OCM: variants seen among roughly 807,000 people sequenced by gnomAD.
OCM encodes the protein oncomodulin, also known as oncomodulin-1.
Under a neutral mutation model 14.1 loss-of-function variants are expected in OCM, and 18 were observed. The ratio of observed to expected loss-of-function variants is 1.28; its 90% confidence interval spans 0.88 to 1.89. The LOEUF (loss-of-function observed/expected upper bound fraction) is 1.89. Ranked by LOEUF, OCM falls within the 40% of genes most tolerant of loss-of-function variation. The pLI, the probability that OCM is intolerant of heterozygous loss-of-function variation, is 0.00. For synonymous variants in OCM, 48 were observed against 51.0 expected (o/e 0.94, Z 0.25); for missense variants, 140 against 137.6 (o/e 1.02, Z -0.09).
the OCM span, among the ~76,000 whole-genome samples, chr7:5,862,254 G>A: frequency 5.9e-5 from 9 of 152,038 alleles, no homozygotes; most frequent in Admixed American, 1.3e-4. Context: ...CTTGGAAACT[G>A]AGTCATGCAA....
intron 1 of OCM, among the ~76,000 whole-genome samples, chr7:5,882,107 A>G (rs1485933559): frequency 3.4e-5 from 5 of 149,050 alleles, no homozygotes; most frequent in African/African-American, 4.9e-5. Flanking sequence ...AAAAAAAAAA[A>G]AAAAAAAAAA....
upstream of OCM, among the ~76,000 whole-genome samples, chr7:5,875,545 C>T (rs1356909451): frequency 6.6e-6 from 1 of 151,990 alleles, no homozygotes; most frequent in Non-Finnish European, 1.5e-5. Flanking sequence ...TGGGCCCAAG[C>T]AATCTTCCCA....
At chr7:5,882,444 T>A (rs763345137) in intron 1 of OCM, 49 bp from the exon 2 acceptor site, 2 of 1,602,012 alleles carry the variant, frequency 1.2e-6, no homozygotes, top group Non-Finnish European at 1.7e-6. Flanking sequence ...GGCCCCAACA[T>A]AGAATGTGAT....
In OCM at chr7:5,882,599, C is replaced by T. The variant is rs201890706; in HGVS notation, c.168C>T (p.Ser56=). 60 of 1,614,028 alleles carry T rather than the reference C, an allele frequency of 3.7e-5. No individual in the cohort carries two copies. In the Middle Eastern group the frequency reaches 9.9e-4, roughly 27 times the overall value. The change falls in exon 2 of 4, where the codon AGC becomes AGT. Residue 56 remains serine (S), a synonymous_variant. Transcript: ENST00000242104. ...DVFRFIDNDQ[S]GYLDEEELKF... is the part of the protein sequence containing the mutation. ...TCCGGTTCATAGACAACGACCAGAG[C>T]GGGTACCTGGATGAAGAAGAGCTTA...
At chr7:5,860,777 T>TAC in the OCM span, among the ~76,000 whole-genome samples, 1 of 134,718 alleles carries the variant, frequency 7.4e-6, no homozygotes, top group African/African-American at 3.0e-5. Context: ...TTCGTATATA[T>TAC]ACGTGTATAT....
At position 5,883,871 on chromosome 7, in the gene OCM, G is replaced by C. The variant is rs745332767; in HGVS notation, c.195-19G>C. On this transcript the variant is annotated intron_variant, in intron 2 of 3. Coordinates refer to ENST00000242104, the MANE Select transcript of OCM (RefSeq NM_001097622.2). ...CATGATCTTTTTGAAAATCCCCATGGATCTTTATTATCCTGTAGGTTTTTC... is the reference window on the plus strand; with the variant it reads ...CATGATCTTTTTGAAAATCCCCATGCATCTTTATTATCCTGTAGGTTTTTC... The C allele has an allele frequency of 6.2e-7, 1 of 1,612,412 alleles. No homozygotes were observed. The highest frequency in any genetic ancestry group is 8.5e-7 in the Non-Finnish European group (1 of 1,178,862).
the OCM span, among the ~76,000 whole-genome samples, chr7:5,873,482 C>G: frequency 1.3e-5 from 2 of 151,974 alleles, no homozygotes; most frequent in Admixed American, 1.3e-4. Flanking sequence ...GAGGACTGCT[C>G]AAGCCCAGGA....
chr7:5,876,152 T>G (rs545474790), upstream of OCM, among the ~76,000 whole-genome samples: 347 of 152,212 alleles, frequency 2.3e-3, no homozygotes, highest in African/African-American at 7.9e-3. Flanking sequence ...ATTACAGGCA[T>G]GCACCACCAC....
At chr7:5,867,223 G>A in the OCM span, among the ~76,000 whole-genome samples, 2 of 151,962 alleles carry the variant, frequency 1.3e-5, no homozygotes, top group Admixed American at 1.3e-4. Flanking sequence ...CGGTGCAGTG[G>A]CGTGCACCTG....
At chr7:5,862,242 A>G in the OCM span, among the ~76,000 whole-genome samples, 11,782 of 152,274 alleles carry the variant, frequency 0.077, 588 homozygotes, top group Middle Eastern at 0.15. Flanking sequence ...GAGAAAGTCA[A>G]GCTTGGAAAC....
the OCM span, among the ~76,000 whole-genome samples, chr7:5,859,822 T>TCC: frequency 6.6e-6 from 1 of 151,880 alleles, no homozygotes; most frequent in Non-Finnish European, 1.5e-5. Flanking sequence ...CTCAGCCTCG[T>TCC]GAGTAGCTGG....
the OCM span, among the ~76,000 whole-genome samples, chr7:5,864,346 CA>C: frequency 0.25 from 30,527 of 121,578 alleles, 3,496 homozygotes; most frequent in African/African-American, 0.37. Flanking sequence ...GACCTTGTCT[CA>C]AAAAAAAAAA....
intron 2 of OCM, among the ~76,000 whole-genome samples, chr7:5,883,110 G>C: frequency 6.6e-6 from 1 of 152,124 alleles, no homozygotes; most frequent in East Asian, 1.9e-4. Context: ...CCAAAGTGCT[G>C]GGATTACAGG....
chr7:5,859,849 C>T, the OCM span, among the ~76,000 whole-genome samples: 4 of 151,906 alleles, frequency 2.6e-5, no homozygotes, highest in Non-Finnish European at 5.9e-5. Context: ...AGGCGCCCGC[C>T]TATAATTTTT....
chr7:5,864,957 G>A, the OCM span, among the ~76,000 whole-genome samples: 1 of 152,046 alleles, frequency 6.6e-6, no homozygotes, highest in South Asian at 2.1e-4. Context: ...AAAGAACTAG[G>A]GAAATAGAGT....
At chr7:5,860,144 A>T in the OCM span, among the ~76,000 whole-genome samples, 1 of 151,912 alleles carries the variant, frequency 6.6e-6, no homozygotes, top group Non-Finnish European at 1.5e-5. Context: ...CAGCTCTCTC[A>T]TTATGTGGGG....
intron 2 of OCM, among the ~76,000 whole-genome samples, chr7:5,883,585 G>C (rs1326937917): frequency 6.6e-6 from 1 of 151,536 alleles, no homozygotes; most frequent in Non-Finnish European, 1.5e-5. Flanking sequence ...TACTCAGGAG[G>C]TTGAGGCAGG....
chr7:5,883,134 GC>G (rs1781254623), intron 2 of OCM, among the ~76,000 whole-genome samples: 1 of 151,984 alleles, frequency 6.6e-6, no homozygotes, highest in African/African-American at 2.4e-5. Flanking sequence ...GAGTCACTGT[GC>G]CCAGCCACAA....
At chr7:5,860,878 AT>A in the OCM span, among the ~76,000 whole-genome samples, 1 of 147,640 alleles carries the variant, frequency 6.8e-6, no homozygotes, top group Non-Finnish European at 1.5e-5. Flanking sequence ...ATATTTATTT[AT>A]TTATTGTTGT....
Sources: allele counts gnomAD v4.1 joint callset (sites outside exome capture counted in the v4.1 genomes callset), GRCh38; gene constraint gnomAD v4.1.1; transcripts MANE v1.5; gene names NCBI Gene and HGNC (gene_info 2026-07-23, HGNC 2026-07-21).